Variants in MED12L observed in about 807,000 individuals in gnomAD.
MED12L encodes mediator of RNA polymerase II transcription subunit 12-like protein.
MED12L carries 60 observed loss-of-function variants against 281.3 expected under a neutral mutation model. The observed-to-expected ratio is 0.21, with a 90% CI of 0.17 to 0.26. The LOEUF is 0.26. Among genes scored for constraint, MED12L ranks in the 10% least tolerant of loss-of-function variants. The probability of loss-of-function intolerance (pLI) is 1.00; values close to 1 mark genes in which losing one functional copy is unlikely to be tolerated. For missense variants in MED12L, 2,146 were observed against 2,680.9 expected (o/e 0.80, Z 4.41); for synonymous variants, 974 against 987.2 (o/e 0.99, Z 0.25).
chr3:151,213,158 A>G (rs1207808120), intron 16 of MED12L: 1 of 629,982 alleles, frequency 1.6e-6, no homozygotes, highest in South Asian at 2.6e-5. Context: ...ATGGAAACTT[A>G]TATTTGAATT....
rs1354992497 is a variant in MED12L at position 151,435,796 on chromosome 3, G to C, written c.*2992G>C. The C allele has an allele frequency of 1.3e-5, 2 of 151,852 alleles. No homozygotes were observed. The highest frequency in any genetic ancestry group is 2.1e-4 in the South Asian group (1 of 4,812). 9.4% of individuals were successfully genotyped at this position (151,852 alleles called of 1,614,324 possible). ...ACAAAAACACATTTTGTGTAGGATT[G>C]ATCAGATTTTAAATACAGTGAAACT... On this transcript the variant is annotated 3_prime_UTR_variant, in exon 45 of 45. Transcript: ENST00000687756.
At position 151,300,194 on chromosome 3, in the gene MED12L, G is replaced by A. The variant is rs1037235232; in HGVS notation, c.2251-49865G>A. 1.9e-5 allele frequency: 16 copies of A among 846,958 alleles called. No individual in the cohort carries two copies. The Admixed American group carries it at 3.0e-4, about 16-fold the overall frequency. 52.5% of individuals were successfully genotyped at this position (846,958 alleles called of 1,614,324 possible). A position where few individuals can be genotyped will look rare whatever the true frequency, so the allele number is the denominator to read the frequency against. On this transcript the variant is annotated intron_variant, in intron 16 of 44. Transcript: ENST00000687756. ...GTTCAGCATAGGTTATTCCTGGTTT[G>A]ATTTCTGGGGAGAAAATGAAAAATG...
chr3:151,231,917 A>G (rs1448805250), intron 16 of MED12L, among the ~76,000 whole-genome samples: 1 of 152,182 alleles, frequency 6.6e-6, no homozygotes, highest in African/African-American at 2.4e-5. Context: ...ACAAAGTGTT[A>G]TGTTTGTATG....
intron 42 of MED12L, among the ~76,000 whole-genome samples, chr3:151,414,859 T>C (rs759086541): frequency 2.3e-4 from 35 of 152,236 alleles, no homozygotes; most frequent in Non-Finnish European, 4.6e-4. Context: ...GAAATACTTA[T>C]AGTACCTATC....
At chr3:151,409,486 A>G (rs113592926) in intron 40 of MED12L, among the ~76,000 whole-genome samples, 154 bp downstream of exon 40, 2 of 152,258 alleles carry the variant, frequency 1.3e-5, no homozygotes, top group African/African-American at 2.4e-5. Context: ...TCAAAAAAGC[A>G]TGATCAGGAT....
In MED12L at chr3:151,377,996, C is replaced by T. The variant is rs376950985; in HGVS notation, c.4317-16C>T. On this transcript the variant is annotated splice_polypyrimidine_tract_variant and intron_variant, in intron 30 of 44. Transcript: ENST00000687756. ...AAGGATGCTTTCTCCGGTGTAACAC[C>T]TGTTTCTGATTTTAGTTCCTCCGAA... The T allele has an allele frequency of 1.5e-5, 24 of 1,581,854 alleles. No individual in the cohort carries two copies. In the African/African-American group the frequency reaches 3.2e-4, roughly 21 times the overall value.
chr3:151,251,677 A>G (rs572816431), intron 16 of MED12L, among the ~76,000 whole-genome samples: 1 of 152,296 alleles, frequency 6.6e-6, no homozygotes, highest in South Asian at 2.1e-4. Flanking sequence ...CAATTGTTTG[A>G]ACTCTCTGTG....
chr3:151,382,856 C>CCACT (rs1712635644), intron 33 of MED12L, 111 bp downstream of exon 33: 2 of 741,154 alleles, frequency 2.7e-6, no homozygotes, highest in Non-Finnish European at 4.4e-6. Context: ...GTGAGGCCTT[C>CCACT]CACTCTTTGC....
intron 5 of MED12L, among the ~76,000 whole-genome samples, chr3:151,132,114 AGGCTTT>A (rs1715485527): frequency 6.6e-6 from 1 of 152,234 alleles, no homozygotes; most frequent in Non-Finnish European, 1.5e-5. Context: ...TAGAGTATCC[AGGCTTT>A]GAACTAAGAC....
intron 43 of MED12L, among the ~76,000 whole-genome samples, chr3:151,429,860 C>G (rs1719283657): frequency 6.6e-6 from 1 of 152,212 alleles, no homozygotes. Context: ...TAGGGCACCA[C>G]CCTGCCTCAC....
chr3:151,279,801 A>G (rs572821064), intron 16 of MED12L, among the ~76,000 whole-genome samples: 1 of 152,360 alleles, frequency 6.6e-6, no homozygotes, highest in South Asian at 2.1e-4. Context: ...ATGATTTGGC[A>G]GGAACCGTAT....
chr3:151,249,832 A>G (rs1227906791), intron 16 of MED12L, among the ~76,000 whole-genome samples: 1 of 152,184 alleles, frequency 6.6e-6, no homozygotes, highest in Non-Finnish European at 1.5e-5. Flanking sequence ...GGATTAATAC[A>G]GTCATAATAC....
rs569471169 is a variant in MED12L at position 151,102,068 on chromosome 3, C to T, written c.100-14270C>T. Among the ~76,000 whole-genome samples, 5 of 152,254 alleles carry T rather than the reference C, an allele frequency of 3.3e-5. No homozygotes were observed. In the South Asian group the frequency reaches 1.0e-3, roughly 32 times the overall value. On this transcript the variant is annotated intron_variant, in intron 2 of 44. Transcript: ENST00000687756. ...GACAGGCATTTGAATTCCTTGGGTG[C>T]TGAATTGGAATGAATACTCAGACTC...
chr3:151,183,440 G>C (rs1201983276), intron 11 of MED12L, among the ~76,000 whole-genome samples: 1 of 152,194 alleles, frequency 6.6e-6, no homozygotes, highest in Non-Finnish European at 1.5e-5. Flanking sequence ...TCTTTCTCCT[G>C]CCTTTTCAGA....
At chr3:151,151,392 C>T (rs1718487999) in intron 5 of MED12L, among the ~76,000 whole-genome samples, 1 of 151,984 alleles carries the variant, frequency 6.6e-6, no homozygotes, top group Non-Finnish European at 1.5e-5. Context: ...CACAGGTTGG[C>T]TGTTTGGCAT....
chr3:151,134,453 G>GC (rs2148830639), intron 5 of MED12L, among the ~76,000 whole-genome samples: 1 of 152,330 alleles, frequency 6.6e-6, no homozygotes, highest in East Asian at 1.9e-4. Context: ...TCCAAACTTG[G>GC]CTCCAGAGCC....
intron 42 of MED12L, 54 bp downstream of exon 42, chr3:151,413,349 T>A: frequency 6.5e-7 from 1 of 1,542,542 alleles, no homozygotes; most frequent in Non-Finnish European, 8.8e-7. Context: ...AGTGCAAATA[T>A]GCAACAGTCA....
At chr3:151,211,099 G>T (rs1233918504) in intron 16 of MED12L, among the ~76,000 whole-genome samples, 3 of 152,188 alleles carry the variant, frequency 2.0e-5, no homozygotes, top group African/African-American at 7.2e-5. Context: ...TTGTTACTCT[G>T]GACCTGAAAG....
intron 16 of MED12L, among the ~76,000 whole-genome samples, chr3:151,344,339 A>T (rs553675557): frequency 1.1e-4 from 17 of 152,004 alleles, no homozygotes; most frequent in Non-Finnish European, 2.4e-4. Context: ...CATTCCTGTA[A>T]CAGTTTCCTC....
Sources: gnomAD v4.1 joint callset for allele counts (sites outside exome capture counted in the v4.1 genomes callset) on GRCh38, gnomAD v4.1.1 for gene constraint, MANE v1.5 for transcripts, NCBI Gene and HGNC (gene_info 2026-07-23, HGNC 2026-07-21) for gene names.